Variants in SETD2 observed in about 807,000 individuals in gnomAD.
SETD2 encodes the protein SET domain containing 2, histone lysine methyltransferase.
In SETD2, 31 loss-of-function variants were observed where a neutral mutation model predicts 242.1. The ratio of observed to expected loss-of-function variants is 0.13; its 90% CI spans 0.10 to 0.17. The LOEUF is 0.17. Among genes scored for constraint, SETD2 ranks in the 10% least tolerant of loss-of-function variants. The pLI, the probability that SETD2 is intolerant of heterozygous loss-of-function variation, is 1.00. For missense variants in SETD2, 2,481 were observed against 3,046.3 expected (o/e 0.81, Z 4.37); for synonymous variants, 1,006 against 1,066.5 (o/e 0.94, Z 1.11).
intron 14 of SETD2, among the ~76,000 whole-genome samples, chr3:47,060,954 T>A (rs2040304794): frequency 6.6e-6 from 1 of 152,230 alleles, no homozygotes; most frequent in African/African-American, 2.4e-5. Context: ...CCAGGCGCAG[T>A]GGCTCATGCC....
chr3:47,164,025 G>A lies in SETD2; in HGVS notation c.-101C>T, dbSNP rs1697593906. 6 of 1,217,258 alleles carry A rather than the reference G, an allele frequency of 4.9e-6. No individual in the cohort carries two copies. Among genetic ancestry groups the A allele is most frequent in the Non-Finnish European group, 6.2e-6 (6 of 972,094 alleles). The allele number at this position is 1,217,258 out of a possible 1,614,324, so 75.4% of individuals were successfully genotyped here. A position where few individuals can be genotyped will look rare whatever the true frequency, so the allele number is the denominator to read the frequency against. ...CGCAGGTCCGACCGCGGCGGCGGCG[G>A]CGGCGGCGGCGGCGGCGGCAGGGGC... On this transcript the variant is annotated 5_prime_UTR_variant, in exon 1 of 21. Coordinates refer to ENST00000409792, the MANE Select transcript of SETD2 (RefSeq NM_014159.7). The surrounding 1 kb of genome is among the most constrained non-coding windows in gnomAD (Gnocchi z 5.4).
At chr3:47,110,973 T>A (rs1381509175) in intron 5 of SETD2, among the ~76,000 whole-genome samples, 14 of 150,902 alleles carry the variant, frequency 9.3e-5, no homozygotes, top group African/African-American at 3.2e-4. Flanking sequence ...TTAGATCAGG[T>A]TTGAAGCTAT....
chr3:47,037,479 G>A (rs941738489), intron 18 of SETD2, among the ~76,000 whole-genome samples, 187 bp downstream of exon 18: 4 of 151,822 alleles, frequency 2.6e-5, no homozygotes, highest in Non-Finnish European at 5.9e-5. Context: ...TTTTATGGCT[G>A]CATAGTATTC....
At chr3:47,098,133 A>G (rs2042076885) in intron 8 of SETD2, 52 bp from the exon 9 acceptor site, 1 of 1,601,538 alleles carries the variant, frequency 6.2e-7, no homozygotes, top group Non-Finnish European at 8.5e-7. Context: ...AAACCATACA[A>G]AACTGTTGGC....
At chr3:47,029,517 A>G (rs1039121664) in intron 18 of SETD2, among the ~76,000 whole-genome samples, 2 of 151,924 alleles carry the variant, frequency 1.3e-5, no homozygotes, top group East Asian at 1.9e-4. Context: ...ACACACAAAT[A>G]TAAGTATAGT....
At chr3:47,142,853 G>T (rs2043763756) in intron 1 of SETD2, among the ~76,000 whole-genome samples, 1 of 152,146 alleles carries the variant, frequency 6.6e-6, no homozygotes. Context: ...ATTTTTAGCA[G>T]AGATGGGGTT....
At chr3:47,152,036 C>G (rs1240532645) in intron 1 of SETD2, among the ~76,000 whole-genome samples, 1 of 152,098 alleles carries the variant, frequency 6.6e-6, no homozygotes, top group Non-Finnish European at 1.5e-5. Flanking sequence ...ACACAAACTG[C>G]TAATCTGCCA....
At chr3:47,101,597 A>T (rs990105276) in intron 7 of SETD2, 42 bp from the exon 8 acceptor site, 34 of 734,106 alleles carry the variant, frequency 4.6e-5, no homozygotes, top group South Asian at 2.0e-4. Flanking sequence ...GTAACTTATT[A>T]GTGTGTGTGT....
At position 47,121,947 on chromosome 3, in the gene SETD2, G is replaced by A. The variant is rs754282648; in HGVS notation, c.2689C>T (p.Leu897Phe). The A allele has an allele frequency of 1.2e-6, 2 of 1,614,006 alleles. No homozygotes were observed. Among genetic ancestry groups the A allele is most frequent in the Non-Finnish European group, 1.7e-6 (2 of 1,180,006 alleles). The change falls in exon 3 of 21, where the codon CTC (leucine) becomes TTC (phenylalanine). Residue 897 changes from leucine to phenylalanine, a missense_variant. By Grantham distance (22) the Leu-to-Phe change is conservative. This residue lies in a region of SETD2 where 1,300 missense variants were observed against 1,259.2 expected (regional missense o/e 1.03). Transcript: ENST00000409792. ...GATGTGTTCTCTCCGCATTTCAAGA[G>A]AGTTAGACTGTCCACCTTTATTCCT... Reference protein sequence around the residue: ...PPGIKVDSLTLLKCGENTSPV... With the variant: ...PPGIKVDSLTFLKCGENTSPV...
intron 12 of SETD2, among the ~76,000 whole-genome samples, chr3:47,069,198 C>T (rs2040704018): frequency 2.0e-5 from 3 of 152,148 alleles, no homozygotes; most frequent in Admixed American, 1.3e-4. Flanking sequence ...TAGCAATCTA[C>T]CCAAGGTTAT....
chr3:47,023,233 T>C (rs2038314823), intron 18 of SETD2, among the ~76,000 whole-genome samples: 1 of 152,200 alleles, frequency 6.6e-6, no homozygotes, highest in Middle Eastern at 3.4e-3. Context: ...ACCCCGTCTC[T>C]ACTAAAAAAT....
At chr3:47,077,245 G>A (rs377079748) in intron 12 of SETD2, among the ~76,000 whole-genome samples, 5 of 152,058 alleles carry the variant, frequency 3.3e-5, no homozygotes, top group South Asian at 4.2e-4. Context: ...CATCGTGCCC[G>A]GCTAATTTTT....
intron 1 of SETD2, among the ~76,000 whole-genome samples, chr3:47,141,112 A>T (rs1202786707): frequency 9.4e-6 from 1 of 106,732 alleles, no homozygotes; most frequent in Non-Finnish European, 1.8e-5. Context: ...CATTCTAGTG[A>T]TCCTCCCACC....
chr3:47,073,853 GT>G (rs916596884), intron 12 of SETD2, among the ~76,000 whole-genome samples: 1 of 152,190 alleles, frequency 6.6e-6, no homozygotes, highest in Admixed American at 6.5e-5. Context: ...GCCAGGGGTG[GT>G]GAAATTCTCA....
intron 5 of SETD2, among the ~76,000 whole-genome samples, chr3:47,113,632 G>A (rs1344807312): frequency 4.6e-5 from 7 of 151,936 alleles, no homozygotes; most frequent in Non-Finnish European, 1.0e-4. Flanking sequence ...GTCAGAGTTC[G>A]AAACCAGCCT....
intron 5 of SETD2, among the ~76,000 whole-genome samples, chr3:47,109,865 A>G (rs1415021464): frequency 6.6e-6 from 1 of 152,010 alleles, no homozygotes; most frequent in South Asian, 2.1e-4. Context: ...GCACACCTGT[A>G]ATCCCAGCTA....
intron 18 of SETD2, 40 bp from the exon 19 acceptor site, chr3:47,019,880 A>C (rs535217645): frequency 1.3e-6 from 2 of 1,556,726 alleles, no homozygotes; most frequent in Non-Finnish European, 1.8e-6. Flanking sequence ...CTGGCATGAG[A>C]AGTCAGTTTA....
At chr3:47,037,608 G>T in intron 18 of SETD2, 58 bp downstream of exon 18, 1 of 1,276,366 alleles carries the variant, frequency 7.8e-7, no homozygotes, top group Non-Finnish European at 1.1e-6. Flanking sequence ...AGACCATGCG[G>T]GATGGTCTTG....
chr3:47,064,201 C>T (rs558046357), intron 13 of SETD2, among the ~76,000 whole-genome samples: 202 of 152,174 alleles, frequency 1.3e-3, no homozygotes, highest in African/African-American at 4.7e-3. Flanking sequence ...CCTCAGCAAC[C>T]GAGTTAGGTT....
Sources: allele counts gnomAD v4.1 joint callset (sites outside exome capture counted in the v4.1 genomes callset), GRCh38; gene constraint gnomAD v4.1.1; regional missense constraint gnomAD v4.1.1; non-coding constraint Gnocchi (gnomAD v3.1); transcripts MANE v1.5; gene names NCBI Gene and HGNC (gene_info 2026-07-23, HGNC 2026-07-21).